ALPK3: variants seen among roughly 807,000 people sequenced by gnomAD.
ALPK3 encodes the protein alpha-protein kinase 3.
In ALPK3, 102 loss-of-function variants were observed where a neutral mutation model predicts 140.0. The observed-to-expected ratio is 0.73, with a 90% CI of 0.62 to 0.86. The LOEUF (loss-of-function observed/expected upper bound fraction) is 0.86. ALPK3 is among the 40% of genes least tolerant of loss of function. ALPK3 has a pLI of 0.00. For missense variants in ALPK3, 2,254 were observed against 2,208.2 expected (o/e 1.02, Z -0.42); for synonymous variants, 938 against 898.5 (o/e 1.04, Z -0.79).
At chr15:84,843,022 G>A (rs1354901691) in intron 5 of ALPK3, among the ~76,000 whole-genome samples, 2 of 152,212 alleles carry the variant, frequency 1.3e-5, no homozygotes, top group African/African-American at 4.8e-5. Flanking sequence ...TAAATGGTGA[G>A]GAACCCAATA....
At chr15:84,840,996 T>G (rs1353378875) in intron 5 of ALPK3, 64 bp downstream of exon 5, 1 of 1,486,310 alleles carries the variant, frequency 6.7e-7, no homozygotes, top group African/African-American at 1.4e-5. Context: ...AAACTCTTGC[T>G]GCAACTGCTG....
chr15:84,825,434 C>A (rs1182847703), intron 2 of ALPK3, among the ~76,000 whole-genome samples: 1 of 152,202 alleles, frequency 6.6e-6, no homozygotes, highest in African/African-American at 2.4e-5. Flanking sequence ...CTCAGCCTCC[C>A]AAAGTGCTGG....
At chr15:84,837,603 G>A (rs1031763476) in intron 3 of ALPK3, among the ~76,000 whole-genome samples, 2 of 152,200 alleles carry the variant, frequency 1.3e-5, no homozygotes, top group Non-Finnish European at 1.5e-5. Flanking sequence ...GTGAATGTAT[G>A]TTAGCAGTCT....
rs759865340 is a variant in ALPK3 at position 84,823,343 on chromosome 15, C to T, written c.157C>T (p.Arg53Trp). 27 of 1,614,000 alleles carry T rather than the reference C, an allele frequency of 1.7e-5. No individual in the cohort carries two copies. Among genetic ancestry groups the T allele is most frequent in the African/African-American group, 5.3e-5 (4 of 74,908 alleles). The change falls in exon 2 of 14, where the codon CGG (arginine) becomes TGG (tryptophan). Residue 53 changes from arginine to tryptophan, a missense_variant. Around this residue, in one of 3 missense-constraint regions of ALPK3, gnomAD observed 2,088 missense variants for 2,022.9 expected, o/e 1.03. Transcript: ENST00000258888. ...GTTTTTGCTTAGCTTATCAAGCAACCGGTTGTCTCACCCCAGCTCTGGAAG... is the reference window on the plus strand; with the variant it reads ...GTTTTTGCTTAGCTTATCAAGCAACTGGTTGTCTCACCCCAGCTCTGGAAG... ...VRPETSLSSN[R>W]LSHPSSGRST...
intron 5 of ALPK3, among the ~76,000 whole-genome samples, chr15:84,844,121 C>T (rs554246949): frequency 1.1e-4 from 17 of 152,172 alleles, no homozygotes; most frequent in African/African-American, 2.9e-4. Flanking sequence ...CCCAGCTATT[C>T]GGGAGGCTGA....
chr15:84,835,092 C>T (rs578046442), intron 3 of ALPK3, among the ~76,000 whole-genome samples: 1 of 152,184 alleles, frequency 6.6e-6, no homozygotes, highest in African/African-American at 2.4e-5. Context: ...CCCTCTTGCC[C>T]AAGCATTTGA....
chr15:84,863,063 C>T (rs1404689875), intron 10 of ALPK3, 148 bp downstream of exon 10: 7 of 1,125,608 alleles, frequency 6.2e-6, no homozygotes, highest in Middle Eastern at 2.5e-4. Flanking sequence ...TTGTGGAAAG[C>T]CTGAGATGCA....
In ALPK3 at chr15:84,840,141, G is replaced by A. The variant is rs909876510; in HGVS notation, c.862G>A (p.Gly288Arg). The A allele has an allele frequency of 7.4e-6, 12 of 1,613,902 alleles. No individual in the cohort carries two copies. The highest frequency in any genetic ancestry group is 7.6e-6 in the Non-Finnish European group (9 of 1,179,980). ...GGCTGCCCCCGAGAATGGAGAGGAC[G>A]GAGAGCATGGCTTGCTGACATACAT... ...GEAAPENGED[G>R]EHGLLTYICD... The change falls in exon 5 of 14, where the codon GGA becomes AGA. Residue 288 changes from glycine to arginine, a missense_variant. Coordinates refer to ENST00000258888, the MANE Select transcript of ALPK3 (RefSeq NM_020778.5).
In ALPK3 at chr15:84,863,597, G is replaced by T. The variant is rs751953827; in HGVS notation, c.4456G>T (p.Ala1486Ser). The change falls in exon 11 of 14, where the codon GCA becomes TCA. Residue 1486 changes from alanine to serine, a missense_variant. Ala to Ser is a moderately conservative substitution (Grantham distance 99). This residue lies in a region of ALPK3 where 2,088 missense variants were observed against 2,022.9 expected (regional missense o/e 1.03). Coordinates refer to ENST00000258888, the MANE Select transcript of ALPK3 (RefSeq NM_020778.5). The part of the protein sequence containing the change: ...NMSREYCKIF[A>S]AEARAAPGFG... The stretch of plus-strand genomic sequence containing the variant: ...GAGTCGGGAGTACTGCAAAATCTTC[G>T]CAGCAGAAGCCCGGGCCGCGCCTGG... 3.1e-6 allele frequency: 5 copies of T among 1,614,056 alleles called. No homozygotes were observed. The highest frequency in any genetic ancestry group is 1.7e-5 in the Admixed American group (1 of 60,026).
chr15:84,840,519 T>C lies in ALPK3; in HGVS notation c.1240T>C (p.Ser414Pro). The change falls in exon 5 of 14, where the codon TCC becomes CCC. Residue 414 changes from serine (S) to proline (P), a missense_variant. This residue lies in a region of ALPK3 where 2,088 missense variants were observed against 2,022.9 expected (regional missense o/e 1.03). Transcript: ENST00000258888. ...AGGCCCAGGCCAGGAAGTGTATTTC[T>C]CCTTGAAGGACATGTACCTGGAGAA... ...GPGPGQEVYF[S>P]LKDMYLENTQ... 3 of 1,610,230 alleles carry C rather than the reference T, an allele frequency of 1.9e-6. No individual in the cohort carries two copies. The highest frequency in any genetic ancestry group is 2.5e-6 in the Non-Finnish European group (3 of 1,178,806).
At position 84,856,485 on chromosome 15, in the gene ALPK3, G is replaced by A. The variant is rs1963862383; in HGVS notation, c.1747G>A (p.Gly583Ser). 4.3e-6 allele frequency: 7 copies of A among 1,614,122 alleles called. No individual in the cohort carries two copies. Among genetic ancestry groups the A allele is most frequent in the East Asian group, 4.5e-5 (2 of 44,880 alleles). ...TGGGGTTAGCACTTCCGGAAGTCAA[G>A]GTATCATTGAACCCATGGATATGGA... Reference protein sequence around the residue: ...SIGVSTSGSQGIIEPMDMETQ... With the variant: ...SIGVSTSGSQSIIEPMDMETQ... The change falls in exon 6 of 14, where the codon GGT (glycine) becomes AGT (serine). Residue 583 changes from glycine to serine, a missense_variant. Around this residue, in one of 3 missense-constraint regions of ALPK3, gnomAD observed 2,088 missense variants for 2,022.9 expected, o/e 1.03. Coordinates refer to ENST00000258888, the MANE Select transcript of ALPK3 (RefSeq NM_020778.5).
chr15:84,852,993 G>A (rs1567092639), intron 5 of ALPK3, among the ~76,000 whole-genome samples: 1 of 152,342 alleles, frequency 6.6e-6, no homozygotes, highest in East Asian at 1.9e-4. Flanking sequence ...TGGAGATGAA[G>A]GAAATGGATA....
intron 1 of ALPK3, among the ~76,000 whole-genome samples, chr15:84,818,631 G>A (rs774090058): frequency 1.3e-5 from 2 of 152,202 alleles, no homozygotes; most frequent in Non-Finnish European, 1.5e-5. Context: ...AGGCATCGAG[G>A]ACATTCAGGA....
chr15:84,839,143 C>T (rs764235934), intron 4 of ALPK3, 46 bp downstream of exon 4: 11 of 1,491,156 alleles, frequency 7.4e-6, no homozygotes, highest in Non-Finnish European at 9.2e-6. Flanking sequence ...TCCCGAGGGC[C>T]CTCTGGCTGG....
chr15:84,862,596 G>A (rs1208809816), intron 9 of ALPK3, 39 bp from the exon 10 acceptor site: 5 of 1,562,966 alleles, frequency 3.2e-6, no homozygotes, highest in Middle Eastern at 1.7e-4. Context: ...GGTGAGACAG[G>A]AGCTCCTGGT....
At chr15:84,843,012 T>G (rs1963684676) in intron 5 of ALPK3, among the ~76,000 whole-genome samples, 1 of 152,172 alleles carries the variant, frequency 6.6e-6, no homozygotes, top group South Asian at 2.1e-4. Flanking sequence ...CTTCTCTGCC[T>G]AAATGGTGAG....
In ALPK3 at chr15:84,856,625, A is replaced by G; in HGVS notation, c.1887A>G (p.Thr629=). 6.2e-7 allele frequency: 1 copy of G among 1,614,168 alleles called. No individual in the cohort carries two copies. Among genetic ancestry groups the G allele is most frequent in the Non-Finnish European group, 8.5e-7 (1 of 1,180,030 alleles). Residue 629 remains threonine (T), a synonymous_variant, in exon 6 of 14, where the codon ACA becomes ACG. Coordinates refer to ENST00000258888, the MANE Select transcript of ALPK3 (RefSeq NM_020778.5). ...DGRTRGDGTQ[T]AQRTRADRKT... ...GGACCAGGGGAGATGGAACACAGACAGCCCAGAGGACACGTGCAGATAGGA... is the reference window on the plus strand; with the variant it reads ...GGACCAGGGGAGATGGAACACAGACGGCCCAGAGGACACGTGCAGATAGGA...
At chr15:84,853,283 G>A (rs567470886) in intron 5 of ALPK3, among the ~76,000 whole-genome samples, 117 of 152,190 alleles carry the variant, frequency 7.7e-4, no homozygotes, top group Non-Finnish European at 1.3e-3. Context: ...GTTAATATCC[G>A]GTTGTCAGAG....
chr15:84,833,466 A>G (rs1963565353), intron 3 of ALPK3, among the ~76,000 whole-genome samples: 1 of 152,214 alleles, frequency 6.6e-6, no homozygotes, highest in African/African-American at 2.4e-5. Flanking sequence ...TCAGGGTTAG[A>G]CACGGGAGCT....
Sources: gnomAD v4.1 joint callset for allele counts (sites outside exome capture counted in the v4.1 genomes callset) on GRCh38, gnomAD v4.1.1 for gene constraint, gnomAD v4.1.1 regional missense constraint, MANE v1.5 for transcripts, NCBI Gene and HGNC (gene_info 2026-07-23, HGNC 2026-07-21) for gene names.